TROAP: variants seen among roughly 807,000 people sequenced by gnomAD.
TROAP encodes tastin.
In TROAP, 62 loss-of-function variants were observed where a neutral mutation model predicts 83.4. The ratio of observed to expected loss-of-function variants is 0.74; its 90% CI spans 0.61 to 0.92. The LOEUF is 0.92. Ranked by LOEUF, TROAP falls within the 40% of genes least tolerant of loss-of-function variation. TROAP has a pLI of 0.00. For synonymous variants in TROAP, 352 were observed against 386.4 expected, an observed-to-expected ratio of 0.91 and a Z score of 1.04; for missense variants, 876 against 985.1, an observed-to-expected ratio of 0.89 and a Z score of 1.48.
chr12:49,323,927 CAG>C lies in TROAP; in HGVS notation c.231_232del (p.Glu77AspfsTer21). On this transcript the variant is annotated frameshift_variant, in exon 3 of 15. Transcript: ENST00000257909. LOFTEE classifies it high-confidence loss of function. ...CCCAGGCCGAAAGCCAGGCACCAGG[CAG>C]AGACATCACAAAGATTGGTGGGGAT... 2.5e-6 allele frequency: 4 copies of C among 1,614,140 alleles called. 1 individual carries two copies. Among genetic ancestry groups the C allele is most frequent in the Middle Eastern group, 3.3e-4 (2 of 6,062 alleles).
At position 49,329,301 on chromosome 12, in the gene TROAP, A is replaced by G; in HGVS notation, c.1104+57A>G. The G allele has an allele frequency of 6.2e-7, 1 of 1,613,056 alleles. No homozygotes were observed. Among genetic ancestry groups the G allele is most frequent in the Non-Finnish European group, 8.5e-7 (1 of 1,179,050 alleles). ...AAGTCACAGCTAGGGGAGAAAGGAG[A>G]TGGATGGGTACAGGAGAGAGAAGAC... is the stretch of plus-strand genomic sequence containing the variant. On this transcript the variant is annotated intron_variant, in intron 10 of 14. Transcript: ENST00000257909. The surrounding 1 kb of genome is among the most constrained non-coding windows in gnomAD (Gnocchi z 4.5).
chr12:49,324,226 G>C (rs760654432), intron 3 of TROAP, 189 bp downstream of exon 3: 1 of 1,611,766 alleles, frequency 6.2e-7, no homozygotes, highest in African/African-American at 1.3e-5. Flanking sequence ...ATGTCATCTC[G>C]CCAGGTGCCA....
At position 49,326,095 on chromosome 12, in the gene TROAP, C is replaced by G; in HGVS notation, c.653C>G (p.Ser218Cys). 6.2e-7 allele frequency: 1 copy of G among 1,613,908 alleles called. No individual in the cohort carries two copies. Among genetic ancestry groups the G allele is most frequent in the Non-Finnish European group, 8.5e-7 (1 of 1,180,028 alleles). The change falls in exon 6 of 15, where the codon TCC becomes TGC. Residue 218 changes from serine (S) to cysteine (C), a missense_variant. By Grantham distance (112) the Ser-to-Cys change is moderately radical (BLOSUM62 -1). This residue lies in a region of TROAP where 689 missense variants were observed against 722.6 expected (regional missense o/e 0.95). Coordinates refer to ENST00000257909, the MANE Select transcript of TROAP (RefSeq NM_005480.4). ...GATCAGATTTCACCTTCAGGACCTT[C>G]CTTTCACCCTTCCACTCGCCCCAGT... ...LQALISPSGP[S>C]FHPSTRPSFQ...
At chr12:49,328,469 C>T (rs1353765438) in intron 8 of TROAP, among the ~76,000 whole-genome samples, 1 of 152,024 alleles carries the variant, frequency 6.6e-6, no homozygotes, top group Non-Finnish European at 1.5e-5. Flanking sequence ...GTGCTCCACC[C>T]TCCTCGGCTT....
At chr12:49,323,443 T>G (rs1592307977) in intron 1 of TROAP, 94 bp downstream of exon 1, 3 of 877,822 alleles carry the variant, frequency 3.4e-6, no homozygotes, top group East Asian at 2.6e-5. Context: ...AGGCTCGGGG[T>G]GTCTGGAGAT....
At chr12:49,324,591 A>C (rs1043802748) in intron 3 of TROAP, 6 of 160,094 alleles carry the variant, frequency 3.7e-5, no homozygotes, top group African/African-American at 1.4e-4. Flanking sequence ...CATTCTATGA[A>C]CATTTGGTGA....
At position 49,329,744 on chromosome 12, in the gene TROAP, T is replaced by A. The variant is rs1352197328; in HGVS notation, c.1165-113T>A. The A allele has an allele frequency of 6.9e-7, 1 of 1,454,242 alleles. No individual in the cohort carries two copies. Among genetic ancestry groups the A allele is most frequent in the African/African-American group, 1.4e-5 (1 of 70,556 alleles). The allele number at this position is 1,454,242 out of a possible 1,614,324, so 90.1% of individuals were successfully genotyped here. The stretch of plus-strand genomic sequence containing the variant: ...TCTCTGCTGCCCCTCCTAATGTACA[T>A]CTAGGGCCTCTCAGTTAGGGGCTTC... On this transcript the variant is annotated intron_variant, in intron 11 of 14. Transcript: ENST00000257909. This position sits in a 1 kb window ranked among gnomAD's most constrained non-coding sequence, Gnocchi z 4.5.
chr12:49,328,174 A>C (rs1016569339), intron 8 of TROAP, among the ~76,000 whole-genome samples: 8 of 137,202 alleles, frequency 5.8e-5, no homozygotes, highest in African/African-American at 2.1e-4. Context: ...AGCCATGGGG[A>C]GAGGGGTTGA....
At position 49,329,800 on chromosome 12, in the gene TROAP, C is replaced by T. The variant is rs1287437294; in HGVS notation, c.1165-57C>T. On this transcript the variant is annotated intron_variant, in intron 11 of 14. Coordinates refer to ENST00000257909, the MANE Select transcript of TROAP (RefSeq NM_005480.4). This position sits in a 1 kb window ranked among gnomAD's most constrained non-coding sequence, Gnocchi z 4.5. Reference sequence around the variant, plus strand: ...ATTCCTCATGAGGGTGGGACTCAGGCTGGTCTTTCTCCTGCCCCAGCCTGG... The same window carrying T: ...ATTCCTCATGAGGGTGGGACTCAGGTTGGTCTTTCTCCTGCCCCAGCCTGG... The T allele has an allele frequency of 1.9e-6, 3 of 1,593,394 alleles. No individual in the cohort carries two copies. Among genetic ancestry groups the T allele is most frequent in the Non-Finnish European group, 2.6e-6 (3 of 1,168,820 alleles).
rs1386414194 is a variant in TROAP at position 49,323,337 on chromosome 12, G to C, written c.-18G>C. 1 of 423,128 alleles carries C rather than the reference G, an allele frequency of 2.4e-6. No homozygotes were observed. Among genetic ancestry groups the C allele is most frequent in the South Asian group, 4.1e-5 (1 of 24,676 alleles). 26.2% of individuals were successfully genotyped at this position (423,128 alleles called of 1,614,324 possible). ...CGGAGGAAGCTGGGTAGGCCCTGAG[G>C]GGCCTCGGTAAGGTAAGGCACGGGG... is the stretch of plus-strand genomic sequence containing the variant. On this transcript the variant is annotated 5_prime_UTR_variant, in exon 1 of 15. Coordinates refer to ENST00000257909, the MANE Select transcript of TROAP (RefSeq NM_005480.4).
At chr12:49,324,737 T>A (rs926561759) in intron 3 of TROAP, among the ~76,000 whole-genome samples, 3 of 142,670 alleles carry the variant, frequency 2.1e-5, no homozygotes, top group Admixed American at 2.0e-4. Flanking sequence ...TTTCTTTTCT[T>A]TTTTTTTTGT....
chr12:49,325,989 T>A, intron 5 of TROAP, 87 bp from the exon 6 acceptor site: 1 of 1,601,950 alleles, frequency 6.2e-7, no homozygotes, highest in Non-Finnish European at 8.5e-7. Context: ...CAAGGGATCC[T>A]ACTGGGGGAG....
chr12:49,330,819 A>G lies in TROAP; in HGVS notation c.1974A>G (p.Leu658=), dbSNP rs1221241940. The G allele has an allele frequency of 6.2e-7, 1 of 1,613,594 alleles. No homozygotes were observed. Among genetic ancestry groups the G allele is most frequent in the African/African-American group, 1.3e-5 (1 of 74,898 alleles). ...TLEHRSLESS[L]PPCCSQWAPA... is the part of the protein sequence containing the mutation. Reference sequence around the variant, plus strand: ...AACATAGAAGTCTAGAGTCCAGTCTACCACCCTGCTGCAGTCAGTGGGCTC... The same window carrying G: ...AACATAGAAGTCTAGAGTCCAGTCTGCCACCCTGCTGCAGTCAGTGGGCTC... The change falls in exon 13 of 15, where the codon CTA becomes CTG. Residue 658 remains leucine, a synonymous_variant. Transcript: ENST00000257909.
intron 8 of TROAP, 106 bp from the exon 9 acceptor site, chr12:49,328,821 G>A (rs562411735): frequency 9.0e-5 from 129 of 1,432,724 alleles, no homozygotes; most frequent in Middle Eastern, 3.8e-4. Context: ...CCAAGATCGC[G>A]CCACTGGACT....
chr12:49,329,708 C>T lies in TROAP; in HGVS notation c.1165-149C>T. On this transcript the variant is annotated intron_variant, in intron 11 of 14. Coordinates refer to ENST00000257909, the MANE Select transcript of TROAP (RefSeq NM_005480.4). This position sits in a 1 kb window ranked among gnomAD's most constrained non-coding sequence, Gnocchi z 4.5. The stretch of plus-strand genomic sequence containing the variant: ...AGTGCTCTCTGGAAAAGCTGCCTAA[C>T]TCTCACTGCTTCTCTGCTGCCCCTC... The T allele has an allele frequency of 1.6e-6, 2 of 1,272,154 alleles. No individual in the cohort carries two copies. Among genetic ancestry groups the T allele is most frequent in the East Asian group, 2.3e-5 (1 of 42,878 alleles). The allele number at this position is 1,272,154 out of a possible 1,614,324, so 78.8% of individuals were successfully genotyped here.
Position 49,329,223 on chromosome 12 carries a change from A to G in TROAP, c.1083A>G (p.Pro361=), listed in dbSNP as rs1943544303. 9 of 1,614,084 alleles carry G rather than the reference A, an allele frequency of 5.6e-6. No homozygotes were observed. The South Asian group carries it at 6.6e-5, about 12-fold the overall frequency. Residue 361 remains proline (P), a synonymous_variant, in exon 10 of 15, where the codon CCA becomes CCG. Transcript: ENST00000257909. The surrounding 1 kb of genome is among the most constrained non-coding windows in gnomAD (Gnocchi z 4.5). Reference sequence around the variant, plus strand: ...CTAAAACCCGGTTCACACCCATGCCATCAACCCCCAGAGTTCAGCAGGTAA... The same window carrying G: ...CTAAAACCCGGTTCACACCCATGCCGTCAACCCCCAGAGTTCAGCAGGTAA... ...VQPKTRFTPM[P]STPRVQQAQW... is the part of the protein sequence containing the mutation.
chr12:49,324,909 CTT>C (rs891098022), intron 3 of TROAP, among the ~76,000 whole-genome samples: 20 of 112,530 alleles, frequency 1.8e-4, no homozygotes, highest in African/African-American at 2.5e-4. Flanking sequence ...TGTTTTCTTT[CTT>C]TTTTTTTTTT....
chr12:49,327,448 G>GT lies in TROAP; in HGVS notation c.891+118_891+119insT. ...AGAGCCAGGAAGTCCTGGGCCTCAGGATGTTACTGGGTAGGTTTACCCCAG... is the reference window on the plus strand; with the variant it reads ...AGAGCCAGGAAGTCCTGGGCCTCAGGTATGTTACTGGGTAGGTTTACCCCAG... On this transcript the variant is annotated intron_variant, in intron 8 of 14. Coordinates refer to ENST00000257909, the MANE Select transcript of TROAP (RefSeq NM_005480.4). The GT allele has an allele frequency of 2.8e-6, 4 of 1,432,068 alleles. No homozygotes were observed. The South Asian group carries it at 5.2e-5, about 19-fold the overall frequency. 88.7% of individuals were successfully genotyped at this position (1,432,068 alleles called of 1,614,324 possible). A position where few individuals can be genotyped will look rare whatever the true frequency, so the allele number is the denominator to read the frequency against.
At position 49,323,646 on chromosome 12, in the gene TROAP, G is replaced by C. The variant is rs376455925; in HGVS notation, c.38G>C (p.Arg13Pro). The change falls in exon 2 of 15, where the codon CGG becomes CCG. Residue 13 changes from arginine (R) to proline (P), a missense_variant. Transcript: ENST00000257909. ...CAAGCCACGAAGGATCCCCTCCTCC[G>C]GGGTGTATCTCCTACCCCTAGCAAG... ...TRQATKDPLLRGVSPTPSKIP... is the reference protein window; with the variant it reads ...TRQATKDPLLPGVSPTPSKIP... 1 of 1,614,022 alleles carries C rather than the reference G, an allele frequency of 6.2e-7. No individual in the cohort carries two copies. The highest frequency in any genetic ancestry group is 8.5e-7 in the Non-Finnish European group (1 of 1,180,008).
Sources: gnomAD v4.1 joint callset for allele counts (sites outside exome capture counted in the v4.1 genomes callset) on GRCh38, gnomAD v4.1.1 for gene constraint, gnomAD v4.1.1 regional missense constraint, Gnocchi (gnomAD v3.1) non-coding constraint, MANE v1.5 for transcripts, NCBI Gene and HGNC (gene_info 2026-07-23, HGNC 2026-07-21) for gene names.